UGT2B15: variants seen among roughly 807,000 people sequenced by gnomAD.
The protein encoded by UGT2B15 is UDP-glucuronosyltransferase 2B15.
A neutral mutation model predicts 45.9 loss-of-function variants in UGT2B15; 36 were observed. The ratio of observed to expected loss-of-function variants is 0.78; its 90% CI spans 0.60 to 1.04. UGT2B15 has a LOEUF of 1.04. Ranked by LOEUF, UGT2B15 falls within the 50% of genes least tolerant of loss-of-function variation. The pLI is 0.00. For missense variants in UGT2B15, 617 were observed against 622.4 expected, an observed-to-expected ratio of 0.99 and a Z score of 0.09; for synonymous variants, 219 against 216.4, an observed-to-expected ratio of 1.01 and a Z score of -0.11.
chr4:68,668,246 A>G, intron 1 of UGT2B15, 58 bp from the exon 2 acceptor site: 2 of 1,604,076 alleles, frequency 1.2e-6, no homozygotes. Context: ...TGTTATTTGA[A>G]TATGCAGGTA....
chr4:68,655,874 G>C (rs771755891), intron 3 of UGT2B15, among the ~76,000 whole-genome samples: 3 of 152,048 alleles, frequency 2.0e-5, no homozygotes, highest in Non-Finnish European at 4.4e-5. Flanking sequence ...TAAATTATCT[G>C]AGAACTGTCT....
intron 1 of UGT2B15, among the ~76,000 whole-genome samples, chr4:68,669,649 A>G (rs1339679174): frequency 1.3e-5 from 2 of 152,168 alleles, no homozygotes; most frequent in African/African-American, 4.8e-5. Context: ...TAAAGAAATC[A>G]TTAGTGCTTT....
chr4:68,668,568 G>A (rs926404642), intron 1 of UGT2B15, among the ~76,000 whole-genome samples: 5 of 151,200 alleles, frequency 3.3e-5, no homozygotes, highest in Admixed American at 6.6e-5. Flanking sequence ...TGTGTCCAGG[G>A]AGGGACCCAG....
chr4:68,654,747 G>A lies in UGT2B15; in HGVS notation c.1093+348C>T, dbSNP rs577156368. The stretch of plus-strand genomic sequence containing the variant: ...AGAAAAGTGTCCGCTATTTTTCAGT[G>A]CCTGTTGAAATAACCCTGCAGTAGG... On this transcript the variant is annotated intron_variant, in intron 4 of 5. Transcript: ENST00000338206. Among the ~76,000 whole-genome samples, 351 of 151,924 alleles carry A rather than the reference G, an allele frequency of 2.3e-3. 7 individuals carry two copies. The highest frequency in any genetic ancestry group is 7.9e-3 in the African/African-American group (329 of 41,460).
At chr4:68,667,899 A>G in intron 2 of UGT2B15, 141 bp downstream of exon 2, 1 of 1,361,206 alleles carries the variant, frequency 7.3e-7, no homozygotes, top group South Asian at 1.5e-5. Flanking sequence ...ATACTACAGA[A>G]ATATATGATT....
intron 3 of UGT2B15, among the ~76,000 whole-genome samples, chr4:68,655,508 C>T (rs1732778479): frequency 6.6e-6 from 1 of 152,048 alleles, no homozygotes; most frequent in Non-Finnish European, 1.5e-5. Context: ...CTGCTTAGGG[C>T]AAACCTACCT....
chr4:68,662,365 C>A (rs1732991652), intron 3 of UGT2B15, among the ~76,000 whole-genome samples: 1 of 151,112 alleles, frequency 6.6e-6, no homozygotes, highest in Non-Finnish European at 1.5e-5. Context: ...ACATTAGCGG[C>A]ACCCAAGTCA....
rs1192333380 is a variant in UGT2B15 at position 68,668,146 on chromosome 4, A to G, written c.767T>C (p.Met256Thr). The change falls in exon 2 of 6, where the codon ATG becomes ACG. Residue 256 changes from methionine to threonine, a missense_variant. Around this residue, in one of 3 missense-constraint regions of UGT2B15, gnomAD observed 351 missense variants for 342.1 expected, o/e 1.03. Coordinates refer to ENST00000338206, the MANE Select transcript of UGT2B15 (RefSeq NM_001076.4). The stretch of plus-strand genomic sequence containing the variant: ...ATCCCAATAGGTTCGAATGAGCCAC[A>G]TTTCAGCTTTCCCCATTGTCTCAAA... ...TLFETMGKAE[M>T]WLIRTYWDFE... 3.1e-6 allele frequency: 5 copies of G among 1,613,578 alleles called. No individual in the cohort carries two copies. In the Admixed American group the frequency reaches 6.7e-5, roughly 22 times the overall value.
intron 5 of UGT2B15, among the ~76,000 whole-genome samples, chr4:68,651,137 C>G (rs1483920920): frequency 6.6e-6 from 1 of 151,616 alleles, no homozygotes; most frequent in African/African-American, 2.4e-5. Context: ...TTTTGCTGTG[C>G]AGAAGCTCTT....
At chr4:68,665,309 T>A (rs1733087775) in intron 2 of UGT2B15, among the ~76,000 whole-genome samples, 1 of 152,198 alleles carries the variant, frequency 6.6e-6, no homozygotes, top group Admixed American at 6.5e-5. Flanking sequence ...AAAAAAACTG[T>A]GATCTTGTTC....
In UGT2B15 at chr4:68,647,028, C is replaced by T. The variant is rs1732494230; in HGVS notation, c.*76G>A. On this transcript the variant is annotated 3_prime_UTR_variant, in exon 6 of 6. Coordinates refer to ENST00000338206, the MANE Select transcript of UGT2B15 (RefSeq NM_001076.4). ...TTTGTCACAGGAAAAAGGAAATCCT[C>T]CATTTAAAACCCTCCATGCTGAAAT... 2.0e-6 allele frequency: 3 copies of T among 1,515,086 alleles called. No homozygotes were observed. The highest frequency in any genetic ancestry group is 4.5e-5 in the East Asian group (2 of 44,116). The allele number at this position is 1,515,086 out of a possible 1,614,324, so 93.9% of individuals were successfully genotyped here.
At chr4:68,669,410 C>A (rs1364313531) in intron 1 of UGT2B15, among the ~76,000 whole-genome samples, 2 of 152,070 alleles carry the variant, frequency 1.3e-5, no homozygotes, top group Admixed American at 6.6e-5. Flanking sequence ...CACTATATTA[C>A]TCAACTGTGA....
intron 1 of UGT2B15, among the ~76,000 whole-genome samples, chr4:68,669,329 C>G (rs1733232559): frequency 2.6e-5 from 4 of 152,034 alleles, no homozygotes; most frequent in South Asian, 2.1e-4. Flanking sequence ...AAATAATTGT[C>G]AACCTGTTAT....
Position 68,647,141 on chromosome 4 carries a change from T to G in UGT2B15, c.1556A>C (p.Lys519Thr). 6.2e-7 allele frequency: 1 copy of G among 1,613,808 alleles called. No individual in the cohort carries two copies. Among genetic ancestry groups the G allele is most frequent in the Non-Finnish European group, 8.5e-7 (1 of 1,179,802 alleles). ...CTTCTTCTTTCCTTTTTTGGCAAGC[T>G]TTCGGAAACAAAACAGGCAAAATTT... ...ITKFCLFCFR[K>T]LAKKGKKKKR... The change falls in exon 6 of 6, where the codon AAG becomes ACG. Residue 519 changes from lysine to threonine, a missense_variant. This residue lies in a region of UGT2B15 where 265 missense variants were observed against 245.1 expected (regional missense o/e 1.08). Coordinates refer to ENST00000338206, the MANE Select transcript of UGT2B15 (RefSeq NM_001076.4).
At chr4:68,656,286 C>T (rs553274220) in intron 3 of UGT2B15, among the ~76,000 whole-genome samples, 20 of 152,014 alleles carry the variant, frequency 1.3e-4, no homozygotes, top group Admixed American at 3.3e-4. Context: ...GAAACCCATC[C>T]GTAGGTAAAC....
intron 1 of UGT2B15, 66 bp downstream of exon 1, chr4:68,669,829 T>C (rs1319274615): frequency 2.0e-6 from 3 of 1,529,022 alleles, no homozygotes; most frequent in East Asian, 4.5e-5. Context: ...TATATTTATA[T>C]AAGCTCACCT....
rs1733278293 is a variant in UGT2B15 at position 68,670,458 on chromosome 4, G to A, written c.161C>T (p.Thr54Ile). The A allele has an allele frequency of 5.6e-6, 9 of 1,613,958 alleles. No individual in the cohort carries two copies. The highest frequency in any genetic ancestry group is 7.6e-6 in the Non-Finnish European group (9 of 1,179,980). ...EELVQRGHEV[T>I]VLTSSASTLV... ...AGTAGAAGCCGAAGATGTCAACACA[G>A]TCACCTCATGACCCCTCTGAACAAG... is the stretch of plus-strand genomic sequence containing the variant. The change falls in exon 1 of 6, where the codon ACT becomes ATT. Residue 54 changes from threonine (T) to isoleucine (I), a missense_variant. Thr to Ile is a moderately conservative substitution (Grantham distance 89). Transcript: ENST00000338206.
At position 68,667,872 on chromosome 4, in the gene UGT2B15, A is replaced by G. The variant is rs564848487; in HGVS notation, c.873+168T>C. On this transcript the variant is annotated intron_variant, in intron 2 of 5. Transcript: ENST00000338206. ...ACCTCTTTGGTCTTTAATGATAATA[A>G]CATTCACATACTTGTGATACTACAG... Among the ~76,000 whole-genome samples, 3 of 152,304 alleles carry G rather than the reference A, an allele frequency of 2.0e-5. No individual in the cohort carries two copies. The South Asian group carries it at 6.2e-4, about 32-fold the overall frequency.
rs1402945221 is a variant in UGT2B15 at position 68,653,417 on chromosome 4, A to G, written c.1313+620T>C. On this transcript the variant is annotated intron_variant, in intron 5 of 5. Transcript: ENST00000338206. The stretch of plus-strand genomic sequence containing the variant: ...CCATAAATTGTATGATTTCATTTAT[A>G]TAAAATATGTGAAGAGAATAATCTA... Among the ~76,000 whole-genome samples the G allele has an allele frequency of 2.0e-5, 3 of 152,066 alleles. No homozygotes were observed. In the East Asian group the frequency reaches 5.8e-4, roughly 29 times the overall value.
Sources: gnomAD v4.1 joint callset for allele counts (sites outside exome capture counted in the v4.1 genomes callset) on GRCh38, gnomAD v4.1.1 for gene constraint, gnomAD v4.1.1 regional missense constraint, MANE v1.5 for transcripts, NCBI Gene and HGNC (gene_info 2026-07-23, HGNC 2026-07-21) for gene names.